Variants in FOXD1 observed in about 807,000 individuals in gnomAD.
The protein encoded by FOXD1 is forkhead box D1.
Under a neutral mutation model 2.0 loss-of-function variants are expected in FOXD1, and 4 were observed. That is an observed-to-expected ratio of 2.03 (90% CI 1.00 to 4.64). FOXD1 has a LOEUF of 4.64. FOXD1 is among the 30% of genes most tolerant of loss of function. The probability of loss-of-function intolerance (pLI) is 0.01; values close to 1 mark genes in which losing one functional copy is unlikely to be tolerated. For missense variants in FOXD1, 586 were observed against 647.6 expected (o/e 0.90, Z 1.03); for synonymous variants, 354 against 328.5 (o/e 1.08, Z -0.84).
rs1225610688 is a variant in FOXD1, at chr5:73,447,453, A to AGGC, written c.907_909dup (p.Ala303dup). 218 of 983,678 alleles carry AGGC rather than the reference A, an allele frequency of 2.2e-4. 2 individuals are homozygous for AGGC. Among genetic ancestry groups the AGGC allele is most frequent in the South Asian group, 7.3e-4 (16 of 22,008 alleles). 60.9% of individuals were successfully genotyped at this position (983,678 alleles called of 1,614,324 possible). A position where few individuals can be genotyped will look rare whatever the true frequency, so the allele number is the denominator to read the frequency against. ...GGCGGCGGGGGCGAGTGCGGGTGGA[A>AGGC]GGCGGCGGCGGCGGCGGCGGCCGCT... is the stretch of plus-strand genomic sequence containing the variant. On this transcript the variant is annotated inframe_insertion, in exon 1 of 1. Transcript: ENST00000615637. This position sits in a 1 kb window ranked among gnomAD's most constrained non-coding sequence, Gnocchi z 7.8.
In FOXD1 at chr5:73,448,421, T is replaced by G; in HGVS notation, c.-59A>C. The stretch of plus-strand genomic sequence containing the variant: ...GGGGCGCCGGGCTCCGGGCTCCCTC[T>G]GCGCCCCAGCCCGGGTCCCGGGCGG... On this transcript the variant is annotated 5_prime_UTR_variant, in exon 1 of 1. Transcript: ENST00000615637. 1 of 1,060,128 alleles carries G rather than the reference T, an allele frequency of 9.4e-7. No individual in the cohort carries two copies. 65.7% of individuals were successfully genotyped at this position (1,060,128 alleles called of 1,614,324 possible).
rs1318837755 is a variant in FOXD1 at position 73,447,506 on chromosome 5, G to A, written c.857C>T (p.Ala286Val). The A allele has an allele frequency of 9.8e-7, 1 of 1,015,964 alleles. No individual in the cohort carries two copies. Among genetic ancestry groups the A allele is most frequent in the Non-Finnish European group, 1.2e-6 (1 of 852,162 alleles). 62.9% of individuals were successfully genotyped at this position (1,015,964 alleles called of 1,614,324 possible). Residue 286 changes from alanine to valine, a missense_variant, in exon 1 of 1, where the codon GCG becomes GTG. Ala to Val is a moderately conservative substitution (Grantham distance 64). Transcript: ENST00000615637. The surrounding 1 kb of genome is among the most constrained non-coding windows in gnomAD (Gnocchi z 7.8). ...CGYGLQLPPYAPPSALFAAAA... is the reference protein window; with the variant it reads ...CGYGLQLPPYVPPSALFAAAA... ...GGCGGCGAAGAGGGCCGAGGGCGGC[G>A]CGTAAGGCGGCAGCTGCAGGCCGTA... is the stretch of plus-strand genomic sequence containing the variant.
rs1316905881 is a variant in FOXD1, at chr5:73,446,923, G to A, written c.*42C>T. 1.1e-5 allele frequency: 17 copies of A among 1,486,294 alleles called. No homozygotes were observed. In the East Asian group the frequency reaches 4.3e-4, roughly 38 times the overall value. The allele number at this position is 1,486,294 out of a possible 1,614,324, so 92.1% of individuals were successfully genotyped here. A position where few individuals can be genotyped will look rare whatever the true frequency, so the allele number is the denominator to read the frequency against. On this transcript the variant is annotated 3_prime_UTR_variant, in exon 1 of 1. Transcript: ENST00000615637. ...AACCACCAAGACGAGAAAAGGAGCC[G>A]GGATTCCTACCTTCTTCCTCGAGCG...
At position 73,447,382 on chromosome 5, in the gene FOXD1, G is replaced by C; in HGVS notation, c.981C>G (p.Phe327Leu). ...CGCCGAGCGGGTGCGGCCGGTAGCCGAAGGCGGTCCGGGCCAGCTCGGCGG... is the reference window on the plus strand; with the variant it reads ...CGCCGAGCGGGTGCGGCCGGTAGCCCAAGGCGGTCCGGGCCAGCTCGGCGG... ...GAAAELARTA[F>L]GYRPHPLGAA... Residue 327 changes from phenylalanine (F) to leucine (L), a missense_variant, in exon 1 of 1, where the codon TTC (phenylalanine) becomes TTG (leucine). This residue lies in a region of FOXD1 where 253 missense variants were observed against 234.4 expected (regional missense o/e 1.08). Coordinates refer to ENST00000615637, the MANE Select transcript of FOXD1 (RefSeq NM_004472.3). This position sits in a 1 kb window ranked among gnomAD's most constrained non-coding sequence, Gnocchi z 7.8. 1.0e-6 allele frequency: 1 copy of C among 982,530 alleles called. No homozygotes were observed. The highest frequency in any genetic ancestry group is 1.2e-6 in the Non-Finnish European group (1 of 829,578). The allele number at this position is 982,530 out of a possible 1,614,324, so 60.9% of individuals were successfully genotyped here.
In FOXD1 at chr5:73,446,824, C is replaced by T. The variant is rs1281677038; in HGVS notation, c.*141G>A. ...CGCCCGGGCTGTTGACAGTTTTGTC[C>T]GAGAATTCGCAGCGGCGAAAATGGG... On this transcript the variant is annotated 3_prime_UTR_variant, in exon 1 of 1. Coordinates refer to ENST00000615637, the MANE Select transcript of FOXD1 (RefSeq NM_004472.3). 6 of 750,908 alleles carry T rather than the reference C, an allele frequency of 8.0e-6. No homozygotes were observed. The highest frequency in any genetic ancestry group is 7.4e-5 in the African/African-American group (4 of 53,990). The allele number at this position is 750,908 out of a possible 1,614,324, so 46.5% of individuals were successfully genotyped here. A position where few individuals can be genotyped will look rare whatever the true frequency, so the allele number is the denominator to read the frequency against.
In FOXD1 at chr5:73,446,583, GAC is replaced by G. The variant is rs1216056425; in HGVS notation, c.*380_*381del. On this transcript the variant is annotated 3_prime_UTR_variant, in exon 1 of 1. Coordinates refer to ENST00000615637, the MANE Select transcript of FOXD1 (RefSeq NM_004472.3). ...TTTACTATTTTTGTATTATTCTTTT[GAC>G]CATTATTTTTTAACGCCTGGACCTG... is the stretch of plus-strand genomic sequence containing the variant. 1 of 193,758 alleles carries G rather than the reference GAC, an allele frequency of 5.2e-6. No homozygotes were observed. The highest frequency in any genetic ancestry group is 2.4e-5 in the African/African-American group (1 of 41,712). The allele number at this position is 193,758 out of a possible 1,614,324, so 12.0% of individuals were successfully genotyped here.
In FOXD1 at chr5:73,447,094, G is replaced by T. The variant is rs769773809; in HGVS notation, c.1269C>A (p.Thr423=). 7.3e-7 allele frequency: 1 copy of T among 1,373,658 alleles called. No homozygotes were observed. 85.1% of individuals were successfully genotyped at this position (1,373,658 alleles called of 1,614,324 possible). A position where few individuals can be genotyped will look rare whatever the true frequency, so the allele number is the denominator to read the frequency against. ...CGGCCGCGGCGGCCACGAGGGATCG[G>T]GTGAGCGCGGCCGCCGGGCCCACGG... The part of the protein sequence containing the change: ...QAAVGPAAAL[T]RSLVAAAAAA... Residue 423 remains threonine (T), a synonymous_variant, in exon 1 of 1, where the codon ACC becomes ACA. Coordinates refer to ENST00000615637, the MANE Select transcript of FOXD1 (RefSeq NM_004472.3). The surrounding 1 kb of genome is among the most constrained non-coding windows in gnomAD (Gnocchi z 7.8).
In FOXD1 at chr5:73,448,192, G is replaced by GCGC. The variant is rs750578392; in HGVS notation, c.168_170dup (p.Arg57dup). 41 of 1,450,460 alleles carry GCGC rather than the reference G, an allele frequency of 2.8e-5. No homozygotes were observed. The highest frequency in any genetic ancestry group is 7.6e-5 in the Admixed American group (3 of 39,536). The allele number at this position is 1,450,460 out of a possible 1,614,324, so 89.8% of individuals were successfully genotyped here. ...CCAGCTCGTCCTCCCCGGCGTACGA[G>GCGC]CGCCGCCGCCGCCGCCGCTGCGCGG... On this transcript the variant is annotated inframe_insertion, in exon 1 of 1. Coordinates refer to ENST00000615637, the MANE Select transcript of FOXD1 (RefSeq NM_004472.3).
Position 73,447,504 on chromosome 5 carries a change from G to T in FOXD1, c.859C>A (p.Pro287Thr). 1 of 1,015,092 alleles carries T rather than the reference G, an allele frequency of 9.9e-7. No individual in the cohort carries two copies. Among genetic ancestry groups the T allele is most frequent in the Non-Finnish European group, 1.2e-6 (1 of 851,542 alleles). 62.9% of individuals were successfully genotyped at this position (1,015,092 alleles called of 1,614,324 possible). ...GCGGCGGCGAAGAGGGCCGAGGGCG[G>T]CGCGTAAGGCGGCAGCTGCAGGCCG... ...GYGLQLPPYA[P>T]PSALFAAAAA... The change falls in exon 1 of 1, where the codon CCG (proline) becomes ACG (threonine). Residue 287 changes from proline to threonine, a missense_variant. Pro to Thr is a conservative substitution (Grantham distance 38). This residue lies in a region of FOXD1 where 253 missense variants were observed against 234.4 expected (regional missense o/e 1.08). Transcript: ENST00000615637. The surrounding 1 kb of genome is among the most constrained non-coding windows in gnomAD (Gnocchi z 7.8).
At position 73,447,325 on chromosome 5, in the gene FOXD1, C is replaced by T; in HGVS notation, c.1038G>A (p.Ala346=). 1 of 984,430 alleles carries T rather than the reference C, an allele frequency of 1.0e-6. No homozygotes were observed. The highest frequency in any genetic ancestry group is 1.2e-6 in the Non-Finnish European group (1 of 830,848). The allele number at this position is 984,430 out of a possible 1,614,324, so 61.0% of individuals were successfully genotyped here. ...AALPGPLPAS[A]AKAGGPGASA... is the part of the protein sequence containing the mutation. Reference sequence around the variant, plus strand: ...AGGCGCCCGGGCCGCCCGCCTTGGCCGCGGAGGCCGGCAGGGGGCCGGGTA... The same window carrying T: ...AGGCGCCCGGGCCGCCCGCCTTGGCTGCGGAGGCCGGCAGGGGGCCGGGTA... Residue 346 remains alanine, a synonymous_variant, in exon 1 of 1, where the codon GCG becomes GCA. Transcript: ENST00000615637. This position sits in a 1 kb window ranked among gnomAD's most constrained non-coding sequence, Gnocchi z 7.8.
In FOXD1 at chr5:73,448,631, CCTT is replaced by C. The variant is rs1398931797; in HGVS notation, c.-272_-270del. 6.6e-6 allele frequency: 1 copy of C among 152,178 alleles called. No individual in the cohort carries two copies. Among genetic ancestry groups the C allele is most frequent in the African/African-American group, 2.4e-5 (1 of 41,432 alleles). The allele number at this position is 152,178 out of a possible 1,614,324, so 9.4% of individuals were successfully genotyped here. On this transcript the variant is annotated 5_prime_UTR_variant, in exon 1 of 1. Transcript: ENST00000615637. ...CGCCCGGCCCGGGCGGAGGACTTGACCTTCTCCTCTCGGAGCAGCTTTTGCCCC... is the reference window on the plus strand; with the variant it reads ...CGCCCGGCCCGGGCGGAGGACTTGACCTCCTCTCGGAGCAGCTTTTGCCCC...
chr5:73,447,901 G>A lies in FOXD1; in HGVS notation c.462C>T (p.Phe154=), dbSNP rs1192994989. 3 of 1,611,504 alleles carry A rather than the reference G, an allele frequency of 1.9e-6. No homozygotes were observed. The change falls in exon 1 of 1, where the codon TTC becomes TTT. Residue 154 remains phenylalanine (F), a synonymous_variant. Coordinates refer to ENST00000615637, the MANE Select transcript of FOXD1 (RefSeq NM_004472.3). This position sits in a 1 kb window ranked among gnomAD's most constrained non-coding sequence, Gnocchi z 7.8. ...KRLTLSEICE[F]ISGRFPYYRE... ...GGTAGTAGGGGAAGCGGCCGCTGAT[G>A]AACTCACAGATCTCGCTCAGCGTCA...
chr5:73,447,430 C>A lies in FOXD1; in HGVS notation c.933G>T (p.Pro311=). ...AAAFHPHSPP[P]PPPPHGAAAE... ...CGGCCGCGCCGTGCGGTGGCGGGGG[C>A]GGCGGGGGCGAGTGCGGGTGGAAGG... The change falls in exon 1 of 1, where the codon CCG becomes CCT. Residue 311 remains proline (P), a synonymous_variant. Transcript: ENST00000615637. This position sits in a 1 kb window ranked among gnomAD's most constrained non-coding sequence, Gnocchi z 7.8. 1 of 981,076 alleles carries A rather than the reference C, an allele frequency of 1.0e-6. No individual in the cohort carries two copies. Among genetic ancestry groups the A allele is most frequent in the Non-Finnish European group, 1.2e-6 (1 of 828,690 alleles). The allele number at this position is 981,076 out of a possible 1,614,324, so 60.8% of individuals were successfully genotyped here. A position where few individuals can be genotyped will look rare whatever the true frequency, so the allele number is the denominator to read the frequency against.
rs771204220 is a variant in FOXD1, at chr5:73,447,202, G to GGCGGCGGCGGCCTGC, written c.1146_1160dup (p.Gln383_Ala387dup). 116 of 992,660 alleles carry GGCGGCGGCGGCCTGC rather than the reference G, an allele frequency of 1.2e-4. No homozygotes were observed. Among genetic ancestry groups the GGCGGCGGCGGCCTGC allele is most frequent in the Non-Finnish European group, 1.3e-4 (111 of 837,758 alleles). 61.5% of individuals were successfully genotyped at this position (992,660 alleles called of 1,614,324 possible). A position where few individuals can be genotyped will look rare whatever the true frequency, so the allele number is the denominator to read the frequency against. On this transcript the variant is annotated inframe_insertion, in exon 1 of 1. Coordinates refer to ENST00000615637, the MANE Select transcript of FOXD1 (RefSeq NM_004472.3). This position sits in a 1 kb window ranked among gnomAD's most constrained non-coding sequence, Gnocchi z 7.8. ...GCGAGGGCGAGGGCGAGGCCTGAGC[G>GGCGGCGGCGGCCTGC]GCGGCGGCGGCCTGCGCGGCGGCGG... is the stretch of plus-strand genomic sequence containing the variant.
chr5:73,447,051 A>T lies in FOXD1; in HGVS notation c.1312T>A (p.Ser438Thr). 6.5e-7 allele frequency: 1 copy of T among 1,530,378 alleles called. No homozygotes were observed. The highest frequency in any genetic ancestry group is 1.4e-5 in the African/African-American group (1 of 70,654). The allele number at this position is 1,530,378 out of a possible 1,614,324, so 94.8% of individuals were successfully genotyped here. A position where few individuals can be genotyped will look rare whatever the true frequency, so the allele number is the denominator to read the frequency against. The stretch of plus-strand genomic sequence containing the variant: ...AGAGTCCCCAAGGCGGCGGACGAGG[A>T]GACTGAGGAGGCGGCGGCGGCCGCG... ...AAAAAAASSVSSSAALGTLHQ... is the reference protein window; with the variant it reads ...AAAAAAASSVTSSAALGTLHQ... The change falls in exon 1 of 1, where the codon TCC becomes ACC. Residue 438 changes from serine (S) to threonine (T), a missense_variant. Physicochemically the swap from Ser to Thr is moderately conservative, Grantham distance 58. Coordinates refer to ENST00000615637, the MANE Select transcript of FOXD1 (RefSeq NM_004472.3). The surrounding 1 kb of genome is among the most constrained non-coding windows in gnomAD (Gnocchi z 7.8).
chr5:73,448,424 G>A lies in FOXD1; in HGVS notation c.-62C>T, dbSNP rs1465932673. The A allele has an allele frequency of 1.9e-5, 20 of 1,043,884 alleles. No individual in the cohort carries two copies. Among genetic ancestry groups the A allele is most frequent in the South Asian group, 4.4e-5 (1 of 22,486 alleles). The allele number at this position is 1,043,884 out of a possible 1,614,324, so 64.7% of individuals were successfully genotyped here. A position where few individuals can be genotyped will look rare whatever the true frequency, so the allele number is the denominator to read the frequency against. On this transcript the variant is annotated 5_prime_UTR_variant, in exon 1 of 1. Coordinates refer to ENST00000615637, the MANE Select transcript of FOXD1 (RefSeq NM_004472.3). The stretch of plus-strand genomic sequence containing the variant: ...GCGCCGGGCTCCGGGCTCCCTCTGC[G>A]CCCCAGCCCGGGTCCCGGGCGGCAG...
In FOXD1 at chr5:73,447,338, A is replaced by AG; in HGVS notation, c.1024dup (p.Leu342ProfsTer120). 1 of 983,644 alleles carries AG rather than the reference A, an allele frequency of 1.0e-6. No individual in the cohort carries two copies. The highest frequency in any genetic ancestry group is 1.2e-6 in the Non-Finnish European group (1 of 830,458). The allele number at this position is 983,644 out of a possible 1,614,324, so 60.9% of individuals were successfully genotyped here. ...GCCCGCCTTGGCCGCGGAGGCCGGC[A>AG]GGGGGCCGGGTAGGGCGGCGCCGAG... On this transcript the variant is annotated frameshift_variant, in exon 1 of 1. Coordinates refer to ENST00000615637, the MANE Select transcript of FOXD1 (RefSeq NM_004472.3). LOFTEE classifies it low-confidence loss of function (END_TRUNC). The surrounding 1 kb of genome is among the most constrained non-coding windows in gnomAD (Gnocchi z 7.8).
chr5:73,447,499 G>A lies in FOXD1; in HGVS notation c.864C>T (p.Pro288=), dbSNP rs1745527520. The change falls in exon 1 of 1, where the codon CCC becomes CCT. Residue 288 remains proline (P), a synonymous_variant. Coordinates refer to ENST00000615637, the MANE Select transcript of FOXD1 (RefSeq NM_004472.3). The surrounding 1 kb of genome is among the most constrained non-coding windows in gnomAD (Gnocchi z 7.8). The stretch of plus-strand genomic sequence containing the variant: ...CCGCTGCGGCGGCGAAGAGGGCCGA[G>A]GGCGGCGCGTAAGGCGGCAGCTGCA... The part of the protein sequence containing the change: ...YGLQLPPYAP[P]SALFAAAAAA... The A allele has an allele frequency of 1.6e-5, 16 of 1,012,316 alleles. No individual in the cohort carries two copies. The highest frequency in any genetic ancestry group is 1.9e-5 in the Non-Finnish European group (16 of 849,878). 62.7% of individuals were successfully genotyped at this position (1,012,316 alleles called of 1,614,324 possible). A position where few individuals can be genotyped will look rare whatever the true frequency, so the allele number is the denominator to read the frequency against.
In FOXD1 at chr5:73,446,970, A is replaced by C. The variant is rs1019988495; in HGVS notation, c.1393T>G (p.Cys465Gly). 8.4e-6 allele frequency: 13 copies of C among 1,545,018 alleles called. No individual in the cohort carries two copies. Among genetic ancestry groups the C allele is most frequent in the Non-Finnish European group, 1.1e-5 (13 of 1,143,540 alleles). ...AGCGCGCTAACATAGCGTTATTAAC[A>C]ATTGGAAATCCTAGCAGTAAAGTTC... ...VENFTARISN[C>G] is the part of the protein sequence containing the mutation. Residue 465 changes from cysteine to glycine, a missense_variant, in exon 1 of 1, where the codon TGT (cysteine) becomes GGT (glycine). Transcript: ENST00000615637.
Sources: gnomAD v4.1 joint callset for allele counts on GRCh38, gnomAD v4.1.1 for gene constraint, gnomAD v4.1.1 regional missense constraint, Gnocchi (gnomAD v3.1) non-coding constraint, MANE v1.5 for transcripts, NCBI Gene and HGNC (gene_info 2026-07-23, HGNC 2026-07-21) for gene names.